The following MITF variants were observed in gnomAD, a reference collection of about 807,000 sequenced individuals.
The protein encoded by MITF is microphthalmia-associated transcription factor.
Under a neutral mutation model 60.5 loss-of-function variants are expected in MITF, and 17 were observed. That is an observed-to-expected ratio of 0.28 (90% confidence interval 0.19 to 0.42). The LOEUF is 0.42. Ranked by LOEUF, MITF falls within the 10% of genes least tolerant of loss-of-function variation. The pLI is 1.00. For synonymous variants in MITF, 260 were observed against 248.5 expected (o/e 1.05, Z -0.43); for missense variants, 622 against 683.5 (o/e 0.91, Z 1.00).
chr3:69,848,467 G>A (rs766956064), intron 1 of MITF, among the ~76,000 whole-genome samples: 2 of 152,074 alleles, frequency 1.3e-5, no homozygotes, highest in African/African-American at 2.4e-5. Context: ...ACATTTCCTC[G>A]AGCACTCATG....
In MITF at chr3:69,745,377, T is replaced by C. The variant is rs111636829; in HGVS notation, c.104+5676T>C. Among the ~76,000 whole-genome samples the C allele has an allele frequency of 1.7e-3, 260 of 152,180 alleles. 1 individual carries two copies. The highest frequency in any genetic ancestry group is 6.0e-3 in the African/African-American group (250 of 41,522). On this transcript the variant is annotated intron_variant, in intron 1 of 9. Coordinates refer to ENST00000352241, the MANE Select transcript of MITF (RefSeq NM_001354604.2). ...TGTGTGGTGAGGGAAAGAGAACTCA[T>C]GGGTCCAGCTAATTATACAAGGCAG... is the stretch of plus-strand genomic sequence containing the variant.
intron 1 of MITF, among the ~76,000 whole-genome samples, chr3:69,798,463 C>G (rs1221379332): frequency 6.6e-6 from 1 of 152,186 alleles, no homozygotes; most frequent in Non-Finnish European, 1.5e-5. Context: ...AAGCGCATAG[C>G]ATGGTTCCTG....
chr3:69,913,590 A>T (rs533129412), intron 2 of MITF, among the ~76,000 whole-genome samples: 8 of 152,318 alleles, frequency 5.3e-5, no homozygotes, highest in Non-Finnish European at 1.0e-4. Context: ...GAGGTGCCTG[A>T]TCATCACACA....
intron 9 of MITF, among the ~76,000 whole-genome samples, chr3:69,962,795 G>A (rs986135362): frequency 2.0e-5 from 3 of 152,086 alleles, no homozygotes; most frequent in Admixed American, 6.5e-5. Flanking sequence ...GAGTTACAGG[G>A]GGAATCAAGG....
At chr3:69,932,897 G>T (rs943351647) in intron 2 of MITF, among the ~76,000 whole-genome samples, 1 of 152,160 alleles carries the variant, frequency 6.6e-6, no homozygotes, top group African/African-American at 2.4e-5. Context: ...GAATAGTGGT[G>T]TGGTGATAGA....
intron 1 of MITF, among the ~76,000 whole-genome samples, chr3:69,790,938 G>T (rs2062730047): frequency 6.6e-6 from 1 of 152,174 alleles, no homozygotes; most frequent in African/African-American, 2.4e-5. Flanking sequence ...AATTCCAAAT[G>T]CATCCAATAA....
intron 5 of MITF, among the ~76,000 whole-genome samples, chr3:69,946,194 A>T (rs2066090743): frequency 6.6e-6 from 1 of 152,146 alleles, no homozygotes. Context: ...GTCACTTTTC[A>T]ATTGGAGACA....
intron 2 of MITF, among the ~76,000 whole-genome samples, chr3:69,888,824 C>T (rs2064686456): frequency 6.6e-6 from 1 of 151,804 alleles, no homozygotes; most frequent in African/African-American, 2.4e-5. Context: ...TCCTTTTGCC[C>T]CATTCAGCAT....
intron 1 of MITF, 149 bp downstream of exon 1, chr3:69,739,850 T>C: frequency 3.1e-6 from 2 of 642,268 alleles, no homozygotes; most frequent in East Asian, 2.8e-5. Context: ...CCCCTCGCAG[T>C]TGGGGGCCGC....
At chr3:69,800,900 T>C (rs568794934) in intron 1 of MITF, among the ~76,000 whole-genome samples, 190 of 152,304 alleles carry the variant, frequency 1.2e-3, no homozygotes, top group African/African-American at 4.4e-3. Context: ...AAGGCAGTTA[T>C]GGCCTACAAA....
chr3:69,806,356 G>GCCTCCCAA lies in MITF; in HGVS notation c.104+66655_104+66656insCCTCCCAA, dbSNP rs2063007626. 2.6e-5 allele frequency among the ~76,000 whole-genome samples: 4 copies of GCCTCCCAA among 152,056 alleles called. 1 individual carries two copies. In the South Asian group the frequency reaches 8.3e-4, roughly 32 times the overall value. On this transcript the variant is annotated intron_variant, in intron 1 of 9. Coordinates refer to ENST00000352241, the MANE Select transcript of MITF (RefSeq NM_001354604.2). ...CTGCCTTGGCCTCCCAAAGTGCTGGGATTACAGGTGTGAGCCACTGCACCC... is the reference window on the plus strand; with the variant it reads ...CTGCCTTGGCCTCCCAAAGTGCTGGGCCTCCCAAATTACAGGTGTGAGCCACTGCACCC...
At chr3:69,842,522 C>T (rs1204029867) in intron 1 of MITF, among the ~76,000 whole-genome samples, 2 of 152,108 alleles carry the variant, frequency 1.3e-5, no homozygotes, top group Admixed American at 6.6e-5. Context: ...AAAATTATAG[C>T]ATCAGAAGTG....
chr3:69,826,100 A>G (rs1367796898), intron 1 of MITF, among the ~76,000 whole-genome samples: 1 of 152,216 alleles, frequency 6.6e-6, no homozygotes, highest in Non-Finnish European at 1.5e-5. Flanking sequence ...ATAAGTGTAC[A>G]CCATGATGAT....
intron 1 of MITF, among the ~76,000 whole-genome samples, chr3:69,774,067 A>G (rs1046002986): frequency 2.6e-5 from 4 of 152,254 alleles, no homozygotes; most frequent in Non-Finnish European, 5.9e-5. Context: ...GCCAGAAGCC[A>G]TGACTAGGTG....
intron 2 of MITF, among the ~76,000 whole-genome samples, chr3:69,885,574 G>A (rs1192623274): frequency 6.6e-6 from 1 of 152,056 alleles, no homozygotes; most frequent in Admixed American, 6.6e-5. Flanking sequence ...TTGTTGGAGG[G>A]CAAAAGAGTC....
intron 1 of MITF, among the ~76,000 whole-genome samples, chr3:69,752,891 G>T (rs543647239): frequency 2.0e-5 from 3 of 152,274 alleles, no homozygotes; most frequent in African/African-American, 7.2e-5. Flanking sequence ...CTTCTGCCAT[G>T]ACTGCAGGTT....
intron 1 of MITF, among the ~76,000 whole-genome samples, chr3:69,846,596 C>T (rs2063737224): frequency 6.6e-6 from 1 of 152,032 alleles, no homozygotes; most frequent in African/African-American, 2.4e-5. Flanking sequence ...AGGTAGATCA[C>T]CTGAGGTCAG....
At chr3:69,883,759 T>C (rs1473734292) in intron 2 of MITF, among the ~76,000 whole-genome samples, 2 of 152,154 alleles carry the variant, frequency 1.3e-5, no homozygotes, top group Non-Finnish European at 2.9e-5. Context: ...GGGGATCTGT[T>C]GCTAGAGGTG....
intron 1 of MITF, among the ~76,000 whole-genome samples, chr3:69,766,695 A>G (rs2062302170): frequency 6.6e-6 from 1 of 152,074 alleles, no homozygotes; most frequent in African/African-American, 2.4e-5. Flanking sequence ...CGCTATATAC[A>G]ATGAAGGCTA....
Sources: allele counts gnomAD v4.1 joint callset (sites outside exome capture counted in the v4.1 genomes callset), GRCh38; gene constraint gnomAD v4.1.1; transcripts MANE v1.5; gene names NCBI Gene and HGNC (gene_info 2026-07-23, HGNC 2026-07-21).